The following ATAD3C variants were observed in gnomAD, a reference collection of about 807,000 sequenced individuals.
ATAD3C encodes the protein ATPase family AAA domain containing 3C.
ATAD3C carries 38 observed loss-of-function variants against 46.3 expected under a neutral mutation model. The ratio of observed to expected loss-of-function variants is 0.82; its 90% CI spans 0.63 to 1.08. The LOEUF (loss-of-function observed/expected upper bound fraction) is 1.08. ATAD3C is among the 50% of genes least tolerant of loss of function. ATAD3C has a pLI of 0.00. For synonymous variants in ATAD3C, 220 were observed against 236.4 expected, an observed-to-expected ratio of 0.93 and a Z score of 0.63; for missense variants, 563 against 572.7, an observed-to-expected ratio of 0.98 and a Z score of 0.17.
chr1:1,453,692 T>C (rs1453892448), intron 3 of ATAD3C, among the ~76,000 whole-genome samples: 3 of 146,724 alleles, frequency 2.0e-5, no homozygotes, highest in Non-Finnish European at 4.4e-5. Context: ...CAGGCTTGAG[T>C]GTGACGGCGC....
At chr1:1,464,383 C>A (rs754146841) in intron 11 of ATAD3C, among the ~76,000 whole-genome samples, 18 of 151,876 alleles carry the variant, frequency 1.2e-4, no homozygotes, top group Non-Finnish European at 2.5e-4. Context: ...ACTCAGCTCT[C>A]TCTGGTGTCC....
chr1:1,455,553 G>C, intron 5 of ATAD3C, 34 bp downstream of exon 5: 1 of 1,611,970 alleles, frequency 6.2e-7, no homozygotes, highest in Non-Finnish European at 8.5e-7. Flanking sequence ...GGGAGGCGCA[G>C]GGAGGGGACC....
chr1:1,459,364 G>C lies in ATAD3C; in HGVS notation c.812+133G>C. 3 of 1,533,862 alleles carry C rather than the reference G, an allele frequency of 2.0e-6. No homozygotes were observed. The highest frequency in any genetic ancestry group is 1.8e-6 in the Non-Finnish European group (2 of 1,141,766). ...GCCGTGGCCTCAACGTGCCCACCTT[G>C]GATGTCCCCTGGGAACGGCCCAGCT... On this transcript the variant is annotated intron_variant, in intron 9 of 11. Coordinates refer to ENST00000378785, the MANE Select transcript of ATAD3C (RefSeq NM_001039211.3). This position sits in a 1 kb window ranked among gnomAD's most constrained non-coding sequence, Gnocchi z 4.9.
At chr1:1,466,683 T>G (rs1639150936) in intron 11 of ATAD3C, among the ~76,000 whole-genome samples, 1 of 151,970 alleles carries the variant, frequency 6.6e-6, no homozygotes, top group Non-Finnish European at 1.5e-5. Context: ...TGATTGATTT[T>G]CATATGTTGA....
At chr1:1,451,538 G>A (rs1638858957) in intron 1 of ATAD3C, among the ~76,000 whole-genome samples, 1 of 151,720 alleles carries the variant, frequency 6.6e-6, no homozygotes, top group Non-Finnish European at 1.5e-5. Context: ...TTAGAGACAG[G>A]GTTTCACCAT....
intron 4 of ATAD3C, 36 bp from the exon 5 acceptor site, chr1:1,455,424 G>A (rs772316657): frequency 1.2e-6 from 2 of 1,608,138 alleles, no homozygotes; most frequent in East Asian, 2.2e-5. Context: ...CGTGGCTGTG[G>A]CAGGTGACCC....
intron 10 of ATAD3C, among the ~76,000 whole-genome samples, chr1:1,461,741 C>T (rs978770334): frequency 2.0e-5 from 3 of 150,564 alleles, no homozygotes; most frequent in Admixed American, 1.3e-4. Flanking sequence ...GGGAGAGGCT[C>T]CTCATGAGAC....
Position 1,460,882 on chromosome 1 carries a change from C to G in ATAD3C, c.945C>G (p.Asn315Lys), listed in dbSNP as rs182162200. 2.9e-4 allele frequency: 467 copies of G among 1,612,328 alleles called. 7 individuals are homozygous for G. In the African/African-American group the frequency reaches 5.0e-3, roughly 17 times the overall value. ...ERARLVRMYL[N>K]EYVLKPATEG... ...CGCGCCTGGTGAGAATGTATCTTAA[C>G]GAGTATGTTCTTAAGCCGGCCACAG... Residue 315 changes from asparagine to lysine, a missense_variant, in exon 10 of 12, where the codon AAC becomes AAG. Transcript: ENST00000378785.
rs1639171116 is a variant in ATAD3C at position 1,467,964 on chromosome 1, G to A, written c.1090-420G>A. ...GCCACCAGCCACGTGCCTCAAGGTG[G>A]GCAGTGGCTGCCTCTGCCCTGGAGG... On this transcript the variant is annotated intron_variant, in intron 11 of 11. Transcript: ENST00000378785. 1.3e-5 allele frequency among the ~76,000 whole-genome samples: 2 copies of A among 152,090 alleles called. 1 individual carries two copies. The highest frequency in any genetic ancestry group is 4.2e-4 in the South Asian group (2 of 4,808).
intron 3 of ATAD3C, among the ~76,000 whole-genome samples, chr1:1,453,352 G>A (rs1265810008): frequency 2.6e-5 from 4 of 152,008 alleles, no homozygotes; most frequent in Admixed American, 6.6e-5. Context: ...ACAGGTGCAG[G>A]TCACCATGCC....
Position 1,450,155 on chromosome 1 carries a change from T to G in ATAD3C, c.-529T>G, listed in dbSNP as rs1007538690. The G allele has an allele frequency of 6.5e-6, 1 of 153,290 alleles. No homozygotes were observed. Among genetic ancestry groups the G allele is most frequent in the Non-Finnish European group, 1.4e-5 (1 of 69,068 alleles). 9.5% of individuals were successfully genotyped at this position (153,290 alleles called of 1,614,324 possible). A position where few individuals can be genotyped will look rare whatever the true frequency, so the allele number is the denominator to read the frequency against. On this transcript the variant is annotated 5_prime_UTR_variant, in exon 1 of 12. Transcript: ENST00000378785. The stretch of plus-strand genomic sequence containing the variant: ...CATCCTGGCTAACACGGTGAAACCG[T>G]CTCTACTAAAACTACAAAAATTAGC...
In ATAD3C at chr1:1,450,577, G is replaced by A. The variant is rs1638837165; in HGVS notation, c.-107G>A. 7.8e-6 allele frequency: 11 copies of A among 1,417,446 alleles called. No individual in the cohort carries two copies. The highest frequency in any genetic ancestry group is 7.5e-5 in the South Asian group (6 of 79,506). 87.8% of individuals were successfully genotyped at this position (1,417,446 alleles called of 1,614,324 possible). A position where few individuals can be genotyped will look rare whatever the true frequency, so the allele number is the denominator to read the frequency against. On this transcript the variant is annotated 5_prime_UTR_variant, in exon 1 of 12. Coordinates refer to ENST00000378785, the MANE Select transcript of ATAD3C (RefSeq NM_001039211.3). ...AGGCAGGGCTGGGGGCTTTGAGGTC[G>A]AGGCGTGGCCGTGGATTCCAGAAAG...
At position 1,452,123 on chromosome 1, in the gene ATAD3C, G is replaced by C; in HGVS notation, c.152+1G>C. 6.2e-7 allele frequency: 1 copy of C among 1,613,326 alleles called. No homozygotes were observed. The highest frequency in any genetic ancestry group is 1.1e-5 in the South Asian group (1 of 90,990). On this transcript the variant is annotated splice_donor_variant, in intron 2 of 11. Transcript: ENST00000378785. LOFTEE classifies it high-confidence loss of function. ...ATCAGACCTTCTTGGAGTCCATCAG[G>C]TGAGCGCTGCCGAGGCCCGGGCCGG...
intron 3 of ATAD3C, among the ~76,000 whole-genome samples, 196 bp from the exon 4 acceptor site, chr1:1,454,149 G>A (rs2801375): frequency 3.4e-4 from 51 of 152,196 alleles, no homozygotes; most frequent in African/African-American, 9.9e-4. Context: ...TGAGGGCGCT[G>A]TGACTGCCCC....
chr1:1,452,954 C>T (rs535853822), intron 3 of ATAD3C, among the ~76,000 whole-genome samples: 3 of 152,142 alleles, frequency 2.0e-5, no homozygotes, highest in East Asian at 1.9e-4. Context: ...GCCCAGGCTC[C>T]GGCCTGCTGT....
rs1280047049 is a variant in ATAD3C, at chr1:1,461,720, TA to T, written c.980+804del. Among the ~76,000 whole-genome samples the T allele has an allele frequency of 4.7e-5, 7 of 148,050 alleles. 1 individual carries two copies. Among genetic ancestry groups the T allele is most frequent in the South Asian group, 4.2e-4 (2 of 4,754 alleles). ...AGAGGCTCCTCATGAGACCCCCATG[TA>T]GGGATTGGAGGGAGAGGCTCCTCAT... On this transcript the variant is annotated intron_variant, in intron 10 of 11. Coordinates refer to ENST00000378785, the MANE Select transcript of ATAD3C (RefSeq NM_001039211.3).
chr1:1,460,776 AC>A lies in ATAD3C; in HGVS notation c.843del (p.Glu282SerfsTer13). The stretch of plus-strand genomic sequence containing the variant: ...TTCATGCTGATCCTGGCCAGCTGCC[AC>A]CCCGAGCAGTTCGACTGGGCCATCA... Reference protein sequence around the residue: ...NKFMLILASCHPEQFDWAINA... With the variant: ...NKFMLILASCXPEQFDWAINA... On this transcript the variant is annotated frameshift_variant, in exon 10 of 12. Coordinates refer to ENST00000378785, the MANE Select transcript of ATAD3C (RefSeq NM_001039211.3). LOFTEE classifies it high-confidence loss of function. 6.2e-7 allele frequency: 1 copy of A among 1,610,230 alleles called. No individual in the cohort carries two copies. Among genetic ancestry groups the A allele is most frequent in the Non-Finnish European group, 8.5e-7 (1 of 1,178,166 alleles).
At chr1:1,466,172 G>A (rs1399779361) in intron 11 of ATAD3C, among the ~76,000 whole-genome samples, 3 of 149,958 alleles carry the variant, frequency 2.0e-5, no homozygotes, top group African/African-American at 7.4e-5. Flanking sequence ...AATGCGGCAA[G>A]CAGAGGTTGC....
At chr1:1,452,576 C>T (rs903008633) in intron 3 of ATAD3C, 142 bp downstream of exon 3, 7 of 1,372,132 alleles carry the variant, frequency 5.1e-6, no homozygotes, top group Non-Finnish European at 7.1e-6. Flanking sequence ...ACTGGACCTG[C>T]TGGTGGGAGC....
Sources: gnomAD v4.1 joint callset for allele counts (sites outside exome capture counted in the v4.1 genomes callset) on GRCh38, gnomAD v4.1.1 for gene constraint, Gnocchi (gnomAD v3.1) non-coding constraint, MANE v1.5 for transcripts, NCBI Gene and HGNC (gene_info 2026-07-23, HGNC 2026-07-21) for gene names.